ATXN7L1: variants seen among roughly 807,000 people sequenced by gnomAD.
ATXN7L1 encodes ataxin 7 like 1.
In ATXN7L1, 15 loss-of-function variants were observed where a neutral mutation model predicts 70.8. The ratio of observed to expected loss-of-function variants is 0.21; its 90% confidence interval spans 0.14 to 0.33. The LOEUF is 0.33. ATXN7L1 is among the 10% of genes least tolerant of loss of function. The probability of loss-of-function intolerance (pLI) is 1.00; values close to 1 mark genes in which losing one functional copy is unlikely to be tolerated. For synonymous variants in ATXN7L1, 440 were observed against 445.1 expected (o/e 0.99, Z 0.14); for missense variants, 975 against 1,097.1 (o/e 0.89, Z 1.57).
At chr7:105,715,972 G>A (rs1029112508) in intron 3 of ATXN7L1, among the ~76,000 whole-genome samples, 3 of 152,106 alleles carry the variant, frequency 2.0e-5, no homozygotes, top group Non-Finnish European at 4.4e-5. Context: ...GCAAAGAAAA[G>A]GAACCCCTAC....
intron 3 of ATXN7L1, among the ~76,000 whole-genome samples, chr7:105,694,104 G>A (rs1464088116): frequency 1.3e-5 from 2 of 151,254 alleles, no homozygotes; most frequent in East Asian, 3.9e-4. Flanking sequence ...CTGGAGTGCA[G>A]TGGTGCCATC....
At chr7:105,688,622 C>A (rs541821460) in intron 3 of ATXN7L1, among the ~76,000 whole-genome samples, 2 of 152,316 alleles carry the variant, frequency 1.3e-5, no homozygotes, top group East Asian at 1.9e-4. Flanking sequence ...CTACCTTATG[C>A]CCTGGCGTAA....
chr7:105,686,992 C>T (rs186226114), intron 3 of ATXN7L1, among the ~76,000 whole-genome samples: 6 of 152,290 alleles, frequency 3.9e-5, no homozygotes, highest in Admixed American at 1.3e-4. Context: ...ACAAGCTTCC[C>T]TTACTCAACC....
intron 3 of ATXN7L1, among the ~76,000 whole-genome samples, chr7:105,677,587 T>C (rs929788143): frequency 2.6e-5 from 4 of 152,194 alleles, no homozygotes; most frequent in Admixed American, 2.6e-4. Flanking sequence ...AAATGGGTGT[T>C]GGGAGGATTG....
chr7:105,785,372 C>T (rs1023037072), intron 3 of ATXN7L1, among the ~76,000 whole-genome samples: 5 of 151,872 alleles, frequency 3.3e-5, no homozygotes, highest in Admixed American at 1.3e-4. Flanking sequence ...AGGCTGAGGC[C>T]GGAGAATTTT....
intron 3 of ATXN7L1, among the ~76,000 whole-genome samples, chr7:105,671,637 C>G (rs1383776017): frequency 3.3e-5 from 5 of 152,118 alleles, no homozygotes; most frequent in Non-Finnish European, 5.9e-5. Flanking sequence ...TGGCTCATGC[C>G]TGTAATTCCC....
intron 4 of ATXN7L1, among the ~76,000 whole-genome samples, chr7:105,653,803 T>TG (rs1800212186): frequency 6.6e-6 from 1 of 152,040 alleles, no homozygotes; most frequent in Non-Finnish European, 1.5e-5. Context: ...CACTTCTCCT[T>TG]GAACACCAGT....
rs1584913337 is a variant in ATXN7L1, at chr7:105,748,794, A to G, written c.355+39810T>C. ...TGGACAGGGCTGCCTGTGTCTCTAG[A>G]GCTGGGCCCACCCCGGAGATAAGGA... is the stretch of plus-strand genomic sequence containing the variant. On this transcript the variant is annotated intron_variant, in intron 3 of 11. Transcript: ENST00000419735. 2.6e-5 allele frequency among the ~76,000 whole-genome samples: 4 copies of G among 152,318 alleles called. No individual in the cohort carries two copies. In the South Asian group the frequency reaches 8.3e-4, roughly 32 times the overall value.
intron 8 of ATXN7L1, among the ~76,000 whole-genome samples, chr7:105,620,571 C>T (rs1794771851): frequency 1.3e-5 from 2 of 152,246 alleles, no homozygotes; most frequent in Non-Finnish European, 2.9e-5. Flanking sequence ...ACGTTTTCTA[C>T]TTCTGGGATT....
intron 3 of ATXN7L1, among the ~76,000 whole-genome samples, chr7:105,709,203 G>A (rs1461117142): frequency 6.6e-6 from 1 of 152,026 alleles, no homozygotes; most frequent in Non-Finnish European, 1.5e-5. Context: ...GCATGGTGGC[G>A]GGCGCCTATA....
At chr7:105,815,616 G>A (rs768638083) in intron 2 of ATXN7L1, among the ~76,000 whole-genome samples, 4 of 152,204 alleles carry the variant, frequency 2.6e-5, no homozygotes, top group African/African-American at 4.8e-5. Flanking sequence ...CCCACATGGC[G>A]TCAAAAACTT....
chr7:105,837,864 G>A (rs1221007267), intron 2 of ATXN7L1, among the ~76,000 whole-genome samples: 1 of 152,090 alleles, frequency 6.6e-6, no homozygotes, highest in Non-Finnish European at 1.5e-5. Flanking sequence ...CTCTGGGGAC[G>A]TTTGCCAAAT....
At chr7:105,679,750 C>T (rs1380649206) in intron 3 of ATXN7L1, among the ~76,000 whole-genome samples, 1 of 151,998 alleles carries the variant, frequency 6.6e-6, no homozygotes, top group Non-Finnish European at 1.5e-5. Flanking sequence ...AGACAGAAAG[C>T]CGACTTGTGG....
intron 4 of ATXN7L1, among the ~76,000 whole-genome samples, chr7:105,644,418 C>T (rs574877912): frequency 6.6e-6 from 1 of 152,268 alleles, no homozygotes; most frequent in African/African-American, 2.4e-5. Flanking sequence ...CCTTGGACCA[C>T]GTAGCTTCTT....
chr7:105,692,424 T>TCCTTCCCTCCCTCCCTCCCTCCTTCCTC, intron 3 of ATXN7L1, among the ~76,000 whole-genome samples: 6 of 88,176 alleles, frequency 6.8e-5, no homozygotes, highest in African/African-American at 2.2e-4. Flanking sequence ...CTTCCTTCCT[T>TCCTTCCCTCCCTCCCTCCCTCCTTCCTC]CCTCCCTCCC....
chr7:105,849,647 C>A (rs1395953943), intron 2 of ATXN7L1, among the ~76,000 whole-genome samples: 1 of 152,212 alleles, frequency 6.6e-6, no homozygotes, highest in East Asian at 1.9e-4. Context: ...TGTTGATTTT[C>A]CTTCTAAGTG....
chr7:105,829,577 C>T lies in ATXN7L1; in HGVS notation c.251-40869G>A, dbSNP rs56911427. Among the ~76,000 whole-genome samples, 1,109 of 152,282 alleles carry T rather than the reference C, an allele frequency of 7.3e-3. 12 individuals carry two copies. The highest frequency in any genetic ancestry group is 0.025 in the African/African-American group (1,041 of 41,546). On this transcript the variant is annotated intron_variant, in intron 2 of 11. Transcript: ENST00000419735. ...GGCAATTTTATGGTGATTTACTTAA[C>T]GTAATTAACAGCTACAAAACACCCA...
intron 3 of ATXN7L1, chr7:105,691,620 T>G (rs1186952895): frequency 1.3e-5 from 2 of 151,038 alleles, no homozygotes; most frequent in African/African-American, 4.9e-5. Flanking sequence ...TGTTGTACTT[T>G]TGGAACCTGA....
chr7:105,872,936 C>T (rs573797223), intron 2 of ATXN7L1, among the ~76,000 whole-genome samples: 5 of 151,694 alleles, frequency 3.3e-5, no homozygotes, highest in Non-Finnish European at 5.9e-5. Context: ...GGGTGGATCA[C>T]GAGGTCAGGA....
Sources: allele counts gnomAD v4.1 joint callset (sites outside exome capture counted in the v4.1 genomes callset), GRCh38; gene constraint gnomAD v4.1.1; transcripts MANE v1.5; gene names NCBI Gene and HGNC (gene_info 2026-07-23, HGNC 2026-07-21).